The following PTCH1 variants were observed in gnomAD, a reference collection of about 807,000 sequenced individuals.
PTCH1 encodes patched 1.
In PTCH1, 14 loss-of-function variants were observed where a neutral mutation model predicts 144.6. The observed-to-expected ratio is 0.10, with a 90% CI of 0.06 to 0.15. The LOEUF is 0.15. Ranked by LOEUF, PTCH1 falls within the 10% of genes least tolerant of loss-of-function variation. The pLI is 1.00. For missense variants in PTCH1, 1,623 were observed against 1,948.3 expected (o/e 0.83, Z 3.14); for synonymous variants, 833 against 793.6 (o/e 1.05, Z -0.83).
intron 2 of PTCH1, among the ~76,000 whole-genome samples, chr9:95,487,536 C>T (rs535476392): frequency 1.6e-4 from 24 of 152,276 alleles, no homozygotes; most frequent in Admixed American, 9.2e-4. Flanking sequence ...CTTAACACCA[C>T]GCAGACTTCC....
At chr9:95,471,339 G>A (rs762319388) in intron 12 of PTCH1, among the ~76,000 whole-genome samples, 3 of 152,184 alleles carry the variant, frequency 2.0e-5, no homozygotes, top group South Asian at 2.1e-4. Context: ...TCTCAAGAGC[G>A]TTCTTCTAAA....
chr9:95,510,782 G>A (rs1844110461), upstream of PTCH1, among the ~76,000 whole-genome samples: 2 of 151,732 alleles, frequency 1.3e-5, no homozygotes, highest in South Asian at 4.2e-4. Context: ...CCAGATGGAG[G>A]GAAAGGGGGA....
Position 95,498,613 on chromosome 9 carries a change from T to C in PTCH1, c.394+7794A>G, listed in dbSNP as rs76553810. Among the ~76,000 whole-genome samples, 1,445 of 152,110 alleles carry C rather than the reference T, an allele frequency of 9.5e-3. 9 individuals are homozygous for C. Among genetic ancestry groups the C allele is most frequent in the Non-Finnish European group, 0.016 (1,104 of 67,998 alleles). On this transcript the variant is annotated intron_variant, in intron 2 of 23. Coordinates refer to ENST00000331920, the MANE Select transcript of PTCH1 (RefSeq NM_000264.5). ...CAGTATTCTGCTGTACGGAAGGCAT[T>C]AGACATTGCAGTGTAAAGGAAAAAA...
At chr9:95,482,282 T>C in intron 3 of PTCH1, 79 bp from the exon 4 acceptor site, 1 of 1,337,268 alleles carries the variant, frequency 7.5e-7, no homozygotes, top group South Asian at 1.2e-5. Context: ...ATAGAACATA[T>C]AAAAAGAACT....
At chr9:95,513,874 A>C (rs1389031667), upstream of PTCH1, among the ~76,000 whole-genome samples, 2 of 152,110 alleles carry the variant, frequency 1.3e-5, no homozygotes, top group Admixed American at 6.6e-5. Flanking sequence ...TGTCAAAATA[A>C]TGCTGCTAAT....
intron 2 of PTCH1, among the ~76,000 whole-genome samples, chr9:95,491,490 A>C (rs1842406914): frequency 6.6e-6 from 1 of 152,208 alleles, no homozygotes; most frequent in Non-Finnish European, 1.5e-5. Flanking sequence ...AGCAAGTGTC[A>C]GTTCACCCAT....
upstream of PTCH1, among the ~76,000 whole-genome samples, chr9:95,511,435 C>T (rs546966090): frequency 6.6e-6 from 1 of 152,216 alleles, no homozygotes; most frequent in Admixed American, 6.5e-5. Context: ...GTGCCGGGGT[C>T]AGGGCGGGAT....
chr9:95,443,782 T>C lies in PTCH1; in HGVS notation c.*2611A>G, dbSNP rs1258594739. Reference sequence around the variant, plus strand: ...TAAATCTTCATATAAATAAATTATATGGCATACTTTTATCTTTGTAATTGA... The same window carrying C: ...TAAATCTTCATATAAATAAATTATACGGCATACTTTTATCTTTGTAATTGA... On this transcript the variant is annotated 3_prime_UTR_variant, in exon 24 of 24. Coordinates refer to ENST00000331920, the MANE Select transcript of PTCH1 (RefSeq NM_000264.5). 7.9e-5 allele frequency: 12 copies of C among 152,658 alleles called. No homozygotes were observed. The allele number at this position is 152,658 out of a possible 1,614,324, so 9.5% of individuals were successfully genotyped here. A position where few individuals can be genotyped will look rare whatever the true frequency, so the allele number is the denominator to read the frequency against.
At chr9:95,493,771 T>C (rs1178259404) in intron 2 of PTCH1, among the ~76,000 whole-genome samples, 2 of 151,992 alleles carry the variant, frequency 1.3e-5, no homozygotes, top group East Asian at 3.9e-4. Flanking sequence ...GCAAAATTAT[T>C]AGCACTGCCT....
Position 95,459,803 on chromosome 9 carries a change from A to C in PTCH1, c.2704-20T>G. The C allele has an allele frequency of 6.2e-7, 1 of 1,613,536 alleles. No individual in the cohort carries two copies. The highest frequency in any genetic ancestry group is 8.5e-7 in the Non-Finnish European group (1 of 1,179,974). On this transcript the variant is annotated intron_variant, in intron 16 of 23. Coordinates refer to ENST00000331920, the MANE Select transcript of PTCH1 (RefSeq NM_000264.5). ...AGTCAACTACAAAAACGGGAAGAAC[A>C]GAGGCCTTTGAGAATGGGGTTGGGG...
At position 95,458,295 on chromosome 9, in the gene PTCH1, T is replaced by C; in HGVS notation, c.2888-2A>G. The stretch of plus-strand genomic sequence containing the variant: ...ACTCGATGGGCTCTGCTGCCGGGAC[T>C]GGACAGAGAAGGGCACAGGTTAGGA... On this transcript the variant is annotated splice_acceptor_variant, in intron 17 of 23. Coordinates refer to ENST00000331920, the MANE Select transcript of PTCH1 (RefSeq NM_000264.5). LOFTEE classifies it high-confidence loss of function. The surrounding 1 kb of genome is among the most constrained non-coding windows in gnomAD (Gnocchi z 4.7). 1 of 1,612,940 alleles carries C rather than the reference T, an allele frequency of 6.2e-7. No homozygotes were observed. Among genetic ancestry groups the C allele is most frequent in the Non-Finnish European group, 8.5e-7 (1 of 1,179,868 alleles).
chr9:95,506,587 C>T lies in PTCH1; in HGVS notation c.214G>A (p.Gly72Ser). 6.2e-7 allele frequency: 1 copy of T among 1,612,038 alleles called. No individual in the cohort carries two copies. The highest frequency in any genetic ancestry group is 8.5e-7 in the Non-Finnish European group (1 of 1,179,136). ...LEQISKGKAT[G>S]RKAPLWLRAK... ...CTCAGCCACAGCGGCGCTTTCCGGC[C>T]AGTAGCCTTCCCCTGGGGACGAAGC... Residue 72 changes from glycine to serine, a missense_variant, in exon 2 of 24, where the codon GGC becomes AGC. Around this residue, in one of 7 missense-constraint regions of PTCH1, gnomAD observed 245 missense variants for 240.6 expected, o/e 1.02. Transcript: ENST00000331920.
At chr9:95,484,373 G>A (rs186849716) in intron 3 of PTCH1, 7 of 152,232 alleles carry the variant, frequency 4.6e-5, no homozygotes, top group East Asian at 1.9e-4. Flanking sequence ...TGAAGGATAC[G>A]AGCACACATG....
chr9:95,477,900 C>T (rs562869088), intron 9 of PTCH1, among the ~76,000 whole-genome samples, 155 bp downstream of exon 9: 8 of 152,336 alleles, frequency 5.3e-5, no homozygotes, highest in East Asian at 1.9e-4. Context: ...ATGCTTTACA[C>T]GACCACTTTT....
rs767899913 is a variant in PTCH1, at chr9:95,444,497, ACACG to A, written c.*1892_*1895del. On this transcript the variant is annotated 3_prime_UTR_variant, in exon 24 of 24. Coordinates refer to ENST00000331920, the MANE Select transcript of PTCH1 (RefSeq NM_000264.5). ...CAGGGTCCCCAGCAGAGACACACAC[ACACG>A]CACGCACGCACACACACACACACAC... The A allele has an allele frequency of 1.9e-4, 27 of 144,232 alleles. No homozygotes were observed. The South Asian group carries it at 2.4e-3, about 13-fold the overall frequency. The allele number at this position is 144,232 out of a possible 1,614,324, so 8.9% of individuals were successfully genotyped here.
At chr9:95,477,053 C>T (rs562693966) in intron 10 of PTCH1, among the ~76,000 whole-genome samples, 196 bp from the exon 11 acceptor site, 12 of 152,316 alleles carry the variant, frequency 7.9e-5, no homozygotes, top group African/African-American at 1.7e-4. Context: ...GTTTCTACTT[C>T]GAAAGTCAGT....
chr9:95,491,000 T>G (rs1272771621), intron 2 of PTCH1, among the ~76,000 whole-genome samples: 1 of 152,204 alleles, frequency 6.6e-6, no homozygotes, highest in Non-Finnish European at 1.5e-5. Context: ...ATATACAGTA[T>G]TATGTATCAA....
intron 12 of PTCH1, among the ~76,000 whole-genome samples, chr9:95,473,700 G>A (rs1454154572): frequency 2.0e-5 from 3 of 151,888 alleles, no homozygotes; most frequent in Non-Finnish European, 2.9e-5. Flanking sequence ...GTGAGCCACC[G>A]CGCCCGGCAA....
chr9:95,447,141 G>T lies in PTCH1; in HGVS notation c.4115C>A (p.Thr1372Lys). 6.2e-7 allele frequency: 1 copy of T among 1,613,336 alleles called. No homozygotes were observed. Among genetic ancestry groups the T allele is most frequent in the Non-Finnish European group, 8.5e-7 (1 of 1,179,924 alleles). ...GGCGACAGTCACGGAGGCAGAAGCC[G>T]TCACAGTGGTGATGGGCTGGCAGTA... The part of the protein sequence containing the change: ...PGYCQPITTV[T>K]ASASVTVAVH... Residue 1372 changes from threonine to lysine, a missense_variant, in exon 23 of 24, where the codon ACG becomes AAG. Thr to Lys is a moderately conservative substitution (Grantham distance 78, BLOSUM62 -1). Around this residue, in one of 7 missense-constraint regions of PTCH1, gnomAD observed 291 missense variants for 287.4 expected, o/e 1.01. Transcript: ENST00000331920.
Sources: gnomAD v4.1 joint callset for allele counts (sites outside exome capture counted in the v4.1 genomes callset) on GRCh38, gnomAD v4.1.1 for gene constraint, gnomAD v4.1.1 regional missense constraint, Gnocchi (gnomAD v3.1) non-coding constraint, MANE v1.5 for transcripts, NCBI Gene and HGNC (gene_info 2026-07-23, HGNC 2026-07-21) for gene names.